TFE3: variants seen among roughly 807,000 people sequenced by gnomAD.
TFE3 encodes transcription factor E3.
TFE3 carries 5 observed loss-of-function variants against 35.0 expected under a neutral mutation model. The ratio of observed to expected loss-of-function variants is 0.14; its 90% CI spans 0.07 to 0.30. The LOEUF (loss-of-function observed/expected upper bound fraction) is 0.30, where lower values mean the gene tolerates loss of function less well. Ranked by LOEUF, TFE3 falls within the 10% of genes least tolerant of loss-of-function variation. The pLI is 1.00. For synonymous variants in TFE3, 211 were observed against 215.6 expected (o/e 0.98, Z 0.18); for missense variants, 374 against 496.6 (o/e 0.75, Z 2.35).
At chrX:49,035,306 A>T (rs2064721845) in intron 5 of TFE3, among the ~76,000 whole-genome samples, 1 of 72,531 alleles carries the variant, frequency 1.4e-5, no homozygotes, top group Non-Finnish European at 2.8e-5. Flanking sequence ...TGGGCAACAG[A>T]GCAAGACTCT....
chrX:49,039,699 T>C (rs782543806), intron 2 of TFE3: 23 of 258,727 alleles, frequency 8.9e-5, no homozygotes, highest in African/African-American at 5.7e-4. Context: ...GAGATGCTAT[T>C]GTTCAGCTCT....
chrX:49,030,272 C>A lies in TFE3; in HGVS notation c.1614G>T (p.Gly538=), dbSNP rs1289802001. 9 of 1,205,644 alleles carry A rather than the reference C, an allele frequency of 7.5e-6. No homozygotes were observed. The highest frequency in any genetic ancestry group is 1.0e-5 in the Non-Finnish European group (9 of 893,075). ...CAGCCCGCAGTGGGGACAGGGCACC[C>A]CCCGACAGTCCTCCCACCACCCCCT... ...EEEGVVGGLS[G]GALSPLRAAS... Residue 538 remains glycine, a synonymous_variant, in exon 10 of 10, where the codon GGG becomes GGT. Coordinates refer to ENST00000315869, the MANE Select transcript of TFE3 (RefSeq NM_006521.6).
At chrX:49,040,987 C>T (rs1395354844) in intron 1 of TFE3, among the ~76,000 whole-genome samples, 2 of 104,150 alleles carry the variant, frequency 1.9e-5, no homozygotes, top group Non-Finnish European at 3.9e-5. Flanking sequence ...GGCTGGAGTA[C>T]AGTGGTGCGA....
At position 49,031,404 on chromosome X, in the gene TFE3, C is replaced by T; in HGVS notation, c.1277G>A (p.Arg426Gln). Residue 426 changes from arginine to glutamine, a missense_variant, in exon 9 of 10, where the codon CGA becomes CAA. Physicochemically the swap from Arg to Gln is conservative, Grantham distance 43 (BLOSUM62 1). This residue lies in a region of TFE3 where 167 missense variants were observed against 297.2 expected (regional missense o/e 0.56). Transcript: ENST00000315869. ...LEQANRSLQL[R>Q]IQELELQAQI... ...CATCTCCTCTTTTCAAACCTGAATT[C>T]GGAGCTGCAGGCTGCGGTTGGCCTG... 1.7e-6 allele frequency: 2 copies of T among 1,192,915 alleles called. No homozygotes were observed. The highest frequency in any genetic ancestry group is 3.0e-5 in the East Asian group (1 of 33,167).
At chrX:49,033,169 C>T (rs1436721164) in intron 8 of TFE3, among the ~76,000 whole-genome samples, 5 of 108,669 alleles carry the variant, frequency 4.6e-5, no homozygotes, top group Non-Finnish European at 9.5e-5. Context: ...TGGGTGACAG[C>T]GTGAGACTCC....
In TFE3 at chrX:49,028,874, A is replaced by AG. The variant is rs1266976820; in HGVS notation, c.*1283dup. ...GTGTAGGTATGAGGGGTGGGAATGG[A>AG]GGGGGGAGTGTCTCTTGATAACTCT... is the stretch of plus-strand genomic sequence containing the variant. On this transcript the variant is annotated 3_prime_UTR_variant, in exon 10 of 10. Coordinates refer to ENST00000315869, the MANE Select transcript of TFE3 (RefSeq NM_006521.6). 4 of 171,218 alleles carry AG rather than the reference A, an allele frequency of 2.3e-5. No individual in the cohort carries two copies. The highest frequency in any genetic ancestry group is 4.5e-5 in the Non-Finnish European group (4 of 89,727). The allele number at this position is 171,218 out of a possible 1,213,427, so 14.1% of individuals were successfully genotyped here.
chrX:49,039,016 A>G, intron 3 of TFE3, 91 bp downstream of exon 3: 1 of 967,206 alleles, frequency 1.0e-6, no homozygotes, highest in Non-Finnish European at 1.4e-6. Context: ...CTTGCCCCCA[A>G]ATCACCAGTG....
chrX:49,029,974 G>T lies in TFE3; in HGVS notation c.*184C>A. 1.9e-6 allele frequency: 1 copy of T among 532,512 alleles called. No homozygotes were observed. The highest frequency in any genetic ancestry group is 3.2e-6 in the Non-Finnish European group (1 of 308,631). 43.9% of individuals were successfully genotyped at this position (532,512 alleles called of 1,213,427 possible). A position where few individuals can be genotyped will look rare whatever the true frequency, so the allele number is the denominator to read the frequency against. On this transcript the variant is annotated 3_prime_UTR_variant, in exon 10 of 10. Coordinates refer to ENST00000315869, the MANE Select transcript of TFE3 (RefSeq NM_006521.6). ...ACTGGGCGGTTCCTTTGGGGAAGGT[G>T]CAGGGCCTCATCTGACTCCTCCTCC...
chrX:49,033,882 C>T, intron 6 of TFE3, 100 bp from the exon 7 acceptor site: 1 of 975,459 alleles, frequency 1.0e-6, no homozygotes, highest in Non-Finnish European at 1.4e-6. Context: ...AGGGGAAATG[C>T]CTTTTTTAAA....
At chrX:49,041,638 C>A (rs782489673) in intron 1 of TFE3, among the ~76,000 whole-genome samples, 1 of 111,021 alleles carries the variant, frequency 9.0e-6, no homozygotes, top group Non-Finnish European at 1.9e-5. Context: ...CCAACACTAA[C>A]ACCCACTGGC....
chrX:49,043,172 G>A lies in TFE3; in HGVS notation c.55C>T (p.Pro19Ser). 8 of 1,187,394 alleles carry A rather than the reference G, an allele frequency of 6.7e-6. No individual in the cohort carries two copies. Among genetic ancestry groups the A allele is most frequent in the Non-Finnish European group, 9.0e-6 (8 of 886,263 alleles). ...RDGVEASAEG[P>S]RAVFVLLEER... ...TCCAACAGCACGAACACGGCTCGAG[G>A]GCCCTCCGCGCTGGCCTCTACGCCA... is the stretch of plus-strand genomic sequence containing the variant. The change falls in exon 1 of 10, where the codon CCT (proline) becomes TCT (serine). Residue 19 changes from proline to serine, a missense_variant. Coordinates refer to ENST00000315869, the MANE Select transcript of TFE3 (RefSeq NM_006521.6).
Position 49,030,447 on chromosome X carries a change from C to G in TFE3, c.1439G>C (p.Gly480Ala), listed in dbSNP as rs149649619. The change falls in exon 10 of 10, where the codon GGG becomes GCG. Residue 480 changes from glycine (G) to alanine (A), a missense_variant. Transcript: ENST00000315869. ...GGGAGCATTCTGGGCAGGTCCCCCCCCTACATGGAACGTTGCTGCGCCTGG... is the reference window on the plus strand; with the variant it reads ...GGGAGCATTCTGGGCAGGTCCCCCCGCTACATGGAACGTTGCTGCGCCTGG... ...GRPGAATFHV[G>A]GGPAQNAPHQ... 1,184 of 1,209,577 alleles carry G rather than the reference C, an allele frequency of 9.8e-4. 2 individuals carry two copies. Among genetic ancestry groups the G allele is most frequent in the Non-Finnish European group, 1.1e-3 (984 of 895,062 alleles).
chrX:49,030,564 A>G lies in TFE3; in HGVS notation c.1322T>C (p.Val441Ala). ...GGAAAGCAGCCCTGGAGTGGGAGGT[A>G]CTGGCAGGCCATGGATCTGGGCCTG... is the stretch of plus-strand genomic sequence containing the variant. ...ELQAQIHGLP[V>A]PPTPGLLSLA... is the part of the protein sequence containing the mutation. Residue 441 changes from valine (V) to alanine (A), a missense_variant, in exon 10 of 10, where the codon GTA becomes GCA. Around this residue, in one of 3 missense-constraint regions of TFE3, gnomAD observed 117 missense variants for 111.9 expected, o/e 1.05. Coordinates refer to ENST00000315869, the MANE Select transcript of TFE3 (RefSeq NM_006521.6). 1.7e-6 allele frequency: 2 copies of G among 1,211,168 alleles called. No homozygotes were observed. The highest frequency in any genetic ancestry group is 2.2e-6 in the Non-Finnish European group (2 of 895,169).
chrX:49,029,584 G>A lies in TFE3; in HGVS notation c.*574C>T. On this transcript the variant is annotated 3_prime_UTR_variant, in exon 10 of 10. Transcript: ENST00000315869. ...CCTAGAAGGCCAGGAGAGTTCCCAG[G>A]GGAAGGGGCTGGGTCTCATCCTCAC... 1 of 345,861 alleles carries A rather than the reference G, an allele frequency of 2.9e-6. No homozygotes were observed. Among genetic ancestry groups the A allele is most frequent in the East Asian group, 4.8e-5 (1 of 20,658 alleles). The allele number at this position is 345,861 out of a possible 1,213,427, so 28.5% of individuals were successfully genotyped here. A position where few individuals can be genotyped will look rare whatever the true frequency, so the allele number is the denominator to read the frequency against.
chrX:49,038,601 G>A (rs1434726662), intron 3 of TFE3, among the ~76,000 whole-genome samples, 159 bp from the exon 4 acceptor site: 2 of 110,051 alleles, frequency 1.8e-5, no homozygotes, highest in Admixed American at 9.7e-5. Context: ...AAATATTAGC[G>A]AGTCTCCCCC....
At chrX:49,034,794 G>A (rs2064718655) in intron 5 of TFE3, among the ~76,000 whole-genome samples, 1 of 112,056 alleles carries the variant, frequency 8.9e-6, no homozygotes, top group South Asian at 3.6e-4. Flanking sequence ...CTCTGATCAA[G>A]TTGTACCATC....
intron 3 of TFE3, among the ~76,000 whole-genome samples, chrX:49,038,845 A>G (rs1557075213): frequency 9.0e-6 from 1 of 110,868 alleles, no homozygotes. Context: ...GCCAGGGCCC[A>G]CTTGGGGCAC....
At chrX:49,042,127 TGAG>T (rs1469738967) in intron 1 of TFE3, among the ~76,000 whole-genome samples, 1 of 111,321 alleles carries the variant, frequency 9.0e-6, no homozygotes, top group Non-Finnish European at 1.9e-5. Flanking sequence ...AAAGTAAGGA[TGAG>T]AAGAGGCCAG....
At position 49,039,426 on chromosome X, in the gene TFE3, T is replaced by C. The variant is rs1557075372; in HGVS notation, c.231-16A>G. The C allele has an allele frequency of 1.7e-6, 2 of 1,155,752 alleles. No homozygotes were observed. Among genetic ancestry groups the C allele is most frequent in the South Asian group, 2.0e-5 (1 of 49,003 alleles). ...TATTGGGAGGCTGTGGAATGGGAAA[T>C]ATGGGGCCATATTTTAGGTAAGCTA... On this transcript the variant is annotated splice_polypyrimidine_tract_variant and intron_variant, in intron 2 of 9. Transcript: ENST00000315869.
Sources: gnomAD v4.1 joint callset for allele counts (sites outside exome capture counted in the v4.1 genomes callset) on GRCh38, gnomAD v4.1.1 for gene constraint, gnomAD v4.1.1 regional missense constraint, MANE v1.5 for transcripts, NCBI Gene and HGNC (gene_info 2026-07-23, HGNC 2026-07-21) for gene names.